The following DISP1 variants were observed in gnomAD, a reference collection of about 807,000 sequenced individuals.
DISP1 encodes protein dispatched homolog 1.
Under a neutral mutation model 37.3 loss-of-function variants are expected in DISP1, and 30 were observed. That is an observed-to-expected ratio of 0.80 (90% confidence interval 0.60 to 1.09). The LOEUF (loss-of-function observed/expected upper bound fraction) is 1.09, where lower values mean the gene tolerates loss of function less well. Among genes scored for constraint, DISP1 ranks in the 50% least tolerant of loss-of-function variants. The pLI, the probability that DISP1 is intolerant of heterozygous loss-of-function variation, is 0.00. For synonymous variants in DISP1, 634 were observed against 690.2 expected (o/e 0.92, Z 1.28); for missense variants, 1,598 against 1,879.5 (o/e 0.85, Z 2.77).
intron 1 of DISP1, among the ~76,000 whole-genome samples, chr1:222,877,886 C>T (rs899749886): frequency 2.0e-5 from 3 of 152,148 alleles, no homozygotes; most frequent in African/African-American, 7.2e-5. Context: ...CCCAAGAGAA[C>T]AGCCCTGATA....
chr1:222,992,341 G>C lies in DISP1; in HGVS notation c.889+231G>C, dbSNP rs976131167. ...AAATTAATGAAAAAGTAATGATTGA[G>C]TTTTCTTATTTTAAGGAAGATATAA... On this transcript the variant is annotated intron_variant, in intron 7 of 8. Transcript: ENST00000675850. Among the ~76,000 whole-genome samples the C allele has an allele frequency of 2.6e-5, 4 of 152,208 alleles. No individual in the cohort carries two copies. In the South Asian group the frequency reaches 6.2e-4, roughly 24 times the overall value.
At position 223,003,958 on chromosome 1, in the gene DISP1, A is replaced by G; in HGVS notation, c.2561A>G (p.Glu854Gly). 1.2e-6 allele frequency: 2 copies of G among 1,614,182 alleles called. No individual in the cohort carries two copies. Among genetic ancestry groups the G allele is most frequent in the Non-Finnish European group, 1.7e-6 (2 of 1,180,038 alleles). ...CAGGACTTCACCAGCTGCTTCATTGAGACATTCAAACAGTGGATGGAAAAC... is the reference window on the plus strand; with the variant it reads ...CAGGACTTCACCAGCTGCTTCATTGGGACATTCAAACAGTGGATGGAAAAC... ...DEQDFTSCFI[E>G]TFKQWMENQD... The change falls in exon 9 of 9, where the codon GAG (glutamate) becomes GGG (glycine). Residue 854 changes from glutamate (E) to glycine (G), a missense_variant. Glu to Gly is a moderately conservative substitution (Grantham distance 98, BLOSUM62 -2). Transcript: ENST00000675850. This position sits in a 1 kb window ranked among gnomAD's most constrained non-coding sequence, Gnocchi z 4.3.
At chr1:222,815,571 C>G (rs1024553364) in intron 1 of DISP1, among the ~76,000 whole-genome samples, 5 of 152,082 alleles carry the variant, frequency 3.3e-5, no homozygotes, top group Non-Finnish European at 5.9e-5. Flanking sequence ...CTATTGGATG[C>G]TGAACTCCTA....
At chr1:222,952,617 C>T (rs1675304796) in intron 3 of DISP1, among the ~76,000 whole-genome samples, 2 of 152,032 alleles carry the variant, frequency 1.3e-5, no homozygotes, top group Admixed American at 1.3e-4. Context: ...TTTGGGAGGC[C>T]GAGGCAGGCG....
chr1:222,840,647 C>T (rs559533660), intron 1 of DISP1, among the ~76,000 whole-genome samples: 3 of 149,002 alleles, frequency 2.0e-5, no homozygotes, highest in Admixed American at 6.8e-5. Flanking sequence ...ACCACAACCT[C>T]TGCCTCCTGG....
intron 3 of DISP1, among the ~76,000 whole-genome samples, chr1:222,964,887 G>A (rs1274188760): frequency 6.6e-6 from 1 of 152,130 alleles, no homozygotes; most frequent in Non-Finnish European, 1.5e-5. Context: ...CCAGCTCCCA[G>A]GCTAACAAAC....
intron 3 of DISP1, among the ~76,000 whole-genome samples, chr1:222,959,050 A>G (rs1675830765): frequency 2.0e-5 from 3 of 152,062 alleles, no homozygotes; most frequent in Non-Finnish European, 4.4e-5. Flanking sequence ...TGTGATTTTT[A>G]TAACAAAGTT....
At chr1:222,921,453 A>G (rs1672805562) in intron 1 of DISP1, among the ~76,000 whole-genome samples, 1 of 152,178 alleles carries the variant, frequency 6.6e-6, no homozygotes, top group Non-Finnish European at 1.5e-5. Context: ...CCTTCAAAAC[A>G]AAAAAATAAA....
chr1:222,868,208 C>A (rs866534155), intron 1 of DISP1, among the ~76,000 whole-genome samples: 4 of 151,238 alleles, frequency 2.6e-5, no homozygotes, highest in East Asian at 1.9e-4. Flanking sequence ...CATAGCGAGA[C>A]CCTCATCTCT....
At chr1:222,903,961 T>G (rs1424279861) in intron 1 of DISP1, among the ~76,000 whole-genome samples, 1 of 152,200 alleles carries the variant, frequency 6.6e-6, no homozygotes, top group Non-Finnish European at 1.5e-5. Context: ...TATTTTTATT[T>G]TCATCTGCTT....
At chr1:222,868,054 T>C (rs969139072) in intron 1 of DISP1, among the ~76,000 whole-genome samples, 1 of 152,144 alleles carries the variant, frequency 6.6e-6, no homozygotes, top group African/African-American at 2.4e-5. Flanking sequence ...AATTATGTTA[T>C]GTCTATACTG....
chr1:222,849,876 T>C (rs1253546364), intron 1 of DISP1, among the ~76,000 whole-genome samples: 1 of 152,142 alleles, frequency 6.6e-6, no homozygotes, highest in Admixed American at 6.5e-5. Flanking sequence ...AGTGTCACCT[T>C]CCTTATTAGC....
At chr1:222,980,635 G>T (rs1408382271) in intron 3 of DISP1, among the ~76,000 whole-genome samples, 1 of 152,096 alleles carries the variant, frequency 6.6e-6, no homozygotes, top group Admixed American at 6.5e-5. Flanking sequence ...ATGGAGATAT[G>T]AATACAAATA....
intron 1 of DISP1, among the ~76,000 whole-genome samples, chr1:222,880,848 G>T (rs1405217376): frequency 1.3e-5 from 2 of 151,982 alleles, no homozygotes; most frequent in Admixed American, 6.6e-5. Flanking sequence ...ATTACTTGAG[G>T]CTAGGAGTTC....
chr1:223,000,294 G>C (rs1390298193), intron 8 of DISP1, among the ~76,000 whole-genome samples: 1 of 152,114 alleles, frequency 6.6e-6, no homozygotes, highest in African/African-American at 2.4e-5. Flanking sequence ...GTCTTTGTAA[G>C]GTAAAACTGG....
chr1:222,827,883 A>G (rs1664806666), intron 1 of DISP1, among the ~76,000 whole-genome samples: 1 of 152,204 alleles, frequency 6.6e-6, no homozygotes, highest in Admixed American at 6.5e-5. Context: ...GAATACACAG[A>G]AAGTCAAGGA....
chr1:222,914,492 C>A (rs892316418), intron 1 of DISP1, among the ~76,000 whole-genome samples: 3 of 152,152 alleles, frequency 2.0e-5, no homozygotes, highest in African/African-American at 4.8e-5. Flanking sequence ...CTCCCTCTTT[C>A]TTTCACTCAT....
At chr1:222,981,552 G>A (rs187956452) in intron 3 of DISP1, among the ~76,000 whole-genome samples, 4 of 152,310 alleles carry the variant, frequency 2.6e-5, no homozygotes, top group South Asian at 2.1e-4. Context: ...GCTCTGTGTA[G>A]TTGGGAACCC....
At chr1:222,916,181 G>A (rs145902079) in intron 1 of DISP1, among the ~76,000 whole-genome samples, 7 of 152,300 alleles carry the variant, frequency 4.6e-5, no homozygotes, top group African/African-American at 1.4e-4. Context: ...ACTGCTACAG[G>A]TTTTATCTAG....
Sources: allele counts gnomAD v4.1 joint callset (sites outside exome capture counted in the v4.1 genomes callset), GRCh38; gene constraint gnomAD v4.1.1; non-coding constraint Gnocchi (gnomAD v3.1); transcripts MANE v1.5; gene names NCBI Gene and HGNC (gene_info 2026-07-23, HGNC 2026-07-21).